Variants in TENM3 observed in about 807,000 individuals in gnomAD.
The protein encoded by TENM3 is teneurin transmembrane protein 3, also known as teneurin-3.
A neutral mutation model predicts 255.1 loss-of-function variants in TENM3; 63 were observed. The ratio of observed to expected loss-of-function variants is 0.25; its 90% confidence interval spans 0.20 to 0.30. TENM3 has a LOEUF of 0.30. TENM3 is among the 10% of genes least tolerant of loss of function. TENM3 has a pLI of 1.00. For missense variants in TENM3, 2,929 were observed against 3,461.1 expected (o/e 0.85, Z 3.86); for synonymous variants, 1,306 against 1,322.3 (o/e 0.99, Z 0.27).
chr4:181,892,273 A>C, the TENM3 span, among the ~76,000 whole-genome samples: 1 of 152,152 alleles, frequency 6.6e-6, no homozygotes, highest in African/African-American at 2.4e-5. Context: ...GTAGCCACTG[A>C]GTCCTAGTAT....
At chr4:182,278,321 C>G (rs1381279799) in intron 1 of TENM3, among the ~76,000 whole-genome samples, 2 of 151,796 alleles carry the variant, frequency 1.3e-5, no homozygotes, top group Admixed American at 6.6e-5. Context: ...GAGCCGAGGT[C>G]TAGTCATTGC....
At chr4:182,202,097 T>C (rs1467748476) in intron 1 of TENM3, among the ~76,000 whole-genome samples, 1 of 152,200 alleles carries the variant, frequency 6.6e-6, no homozygotes, top group Non-Finnish European at 1.5e-5. Context: ...GGCCTGTCCC[T>C]GTGCCAATGG....
At chr4:182,785,603 G>T (rs113905066) in intron 24 of TENM3, among the ~76,000 whole-genome samples, 18,987 of 150,756 alleles carry the variant, frequency 0.13, 1,544 homozygotes, top group East Asian at 0.25. Flanking sequence ...AGCTACTCAC[G>T]GGGCTGAGGT....
At chr4:182,036,865 T>A in the TENM3 span, among the ~76,000 whole-genome samples, 6 of 152,248 alleles carry the variant, frequency 3.9e-5, no homozygotes, top group South Asian at 2.1e-4. Context: ...TGATTTTTTT[T>A]ATAACAAACT....
At chr4:182,771,499 G>GC (rs1561229264) in intron 22 of TENM3, among the ~76,000 whole-genome samples, 1 of 73,216 alleles carries the variant, frequency 1.4e-5, no homozygotes, top group Non-Finnish European at 3.0e-5. Flanking sequence ...TCTCTGAAAT[G>GC]GGGGGGGGGG....
chr4:181,837,807 A>G, the TENM3 span, among the ~76,000 whole-genome samples: 2 of 152,172 alleles, frequency 1.3e-5, no homozygotes, highest in African/African-American at 2.4e-5. Context: ...GGGGAAAATG[A>G]AAGTCTACCA....
At chr4:182,744,093 C>CCTTT in intron 19 of TENM3, 1 of 448,208 alleles carries the variant, frequency 2.2e-6, no homozygotes, top group Non-Finnish European at 2.7e-6. Context: ...ACTGTGCTTT[C>CCTTT]TTTTTTTTTT....
rs148340364 is a variant in TENM3 at position 182,176,740 on chromosome 4, T to C, written c.-76+31986T>C. On this transcript the variant is annotated intron_variant, in intron 1 of 2. Transcript: ENST00000512480. Reference sequence around the variant, plus strand: ...TAGAGTGCAGTGGCGTGATCTCGGCTCACTGCAACCTCCTAGGTTCAAGCG... The same window carrying C: ...TAGAGTGCAGTGGCGTGATCTCGGCCCACTGCAACCTCCTAGGTTCAAGCG... 3.9e-4 allele frequency among the ~76,000 whole-genome samples: 59 copies of C among 151,644 alleles called. 1 individual carries two copies. The East Asian group carries it at 0.011, about 29-fold the overall frequency.
the TENM3 span, among the ~76,000 whole-genome samples, chr4:181,588,109 C>T: frequency 6.6e-6 from 1 of 152,140 alleles, no homozygotes; most frequent in Non-Finnish European, 1.5e-5. Flanking sequence ...GCATGCCAGA[C>T]ATGCCAAGTT....
At chr4:181,683,873 G>A in the TENM3 span, among the ~76,000 whole-genome samples, 4 of 152,228 alleles carry the variant, frequency 2.6e-5, no homozygotes, top group East Asian at 7.8e-4. Context: ...AGCAGCCTTC[G>A]AGCACACAGC....
At chr4:181,515,372 A>G in the TENM3 span, among the ~76,000 whole-genome samples, 2 of 152,082 alleles carry the variant, frequency 1.3e-5, no homozygotes, top group African/African-American at 4.8e-5. Flanking sequence ...TCCTTTGCGC[A>G]TACTTGAAGC....
chr4:182,167,970 A>G (rs1751834914), intron 1 of TENM3, among the ~76,000 whole-genome samples: 1 of 152,202 alleles, frequency 6.6e-6, no homozygotes. Flanking sequence ...AAATTTGGAT[A>G]TTATTATAAC....
chr4:182,356,419 C>G (rs1407074599), intron 3 of TENM3, among the ~76,000 whole-genome samples: 1 of 152,130 alleles, frequency 6.6e-6, no homozygotes, highest in Non-Finnish European at 1.5e-5. Context: ...GAACCAAAAC[C>G]TTAAATGTGG....
chr4:181,880,130 A>G, the TENM3 span, among the ~76,000 whole-genome samples: 29 of 152,264 alleles, frequency 1.9e-4, 1 homozygote, highest in East Asian at 3.7e-3. Flanking sequence ...ACTCTGCCTC[A>G]TGTTGATTCC....
At chr4:182,272,072 C>T (rs1472690887) in intron 1 of TENM3, among the ~76,000 whole-genome samples, 1 of 152,164 alleles carries the variant, frequency 6.6e-6, no homozygotes, top group East Asian at 1.9e-4. Flanking sequence ...GTATAGTGAA[C>T]ATAACCCAAA....
the TENM3 span, among the ~76,000 whole-genome samples, chr4:182,086,942 AT>A: frequency 1.3e-5 from 2 of 152,092 alleles, no homozygotes; most frequent in African/African-American, 4.8e-5. Flanking sequence ...CTAGACCTTG[AT>A]TTTTTTTATC....
the TENM3 span, among the ~76,000 whole-genome samples, chr4:181,746,646 C>T: frequency 6.6e-6 from 1 of 152,014 alleles, no homozygotes; most frequent in Non-Finnish European, 1.5e-5. Flanking sequence ...ATAAGTATGA[C>T]TCTGCTTACT....
chr4:182,645,541 GCCCAA>G (rs1752668488), intron 5 of TENM3, among the ~76,000 whole-genome samples: 1 of 152,102 alleles, frequency 6.6e-6, no homozygotes, highest in Non-Finnish European at 1.5e-5. Context: ...TTGCAACTGG[GCCCAA>G]CTTAGCTGGG....
chr4:181,587,829 T>C, the TENM3 span, among the ~76,000 whole-genome samples: 1 of 152,174 alleles, frequency 6.6e-6, no homozygotes, highest in Non-Finnish European at 1.5e-5. Context: ...TTCTAACACC[T>C]ACCTTCATCT....
Sources: gnomAD v4.1 joint callset for allele counts (sites outside exome capture counted in the v4.1 genomes callset) on GRCh38, gnomAD v4.1.1 for gene constraint, MANE v1.5 for transcripts, NCBI Gene and HGNC (gene_info 2026-07-23, HGNC 2026-07-21) for gene names.